Variants in EPSTI1 observed in about 807,000 individuals in gnomAD.
The protein encoded by EPSTI1 is epithelial stromal interaction 1.
A neutral mutation model predicts 49.9 loss-of-function variants in EPSTI1; 66 were observed. That is an observed-to-expected ratio of 1.32 (90% CI 1.08 to 1.62). The LOEUF (loss-of-function observed/expected upper bound fraction) is 1.62. Among genes scored for constraint, EPSTI1 ranks in the 40% most tolerant of loss-of-function variants. The pLI is 0.00. For missense variants in EPSTI1, 394 were observed against 365.5 expected (o/e 1.08, Z -0.64); for synonymous variants, 137 against 130.7 (o/e 1.05, Z -0.33).
chr13:42,982,258 C>T (rs1176642027), intron 1 of EPSTI1, among the ~76,000 whole-genome samples: 1 of 152,182 alleles, frequency 6.6e-6, no homozygotes, highest in African/African-American at 2.4e-5. Flanking sequence ...CAAAGCTACA[C>T]TCCCACCAGC....
At chr13:42,948,159 G>A (rs1472200690) in intron 6 of EPSTI1, among the ~76,000 whole-genome samples, 1 of 152,274 alleles carries the variant, frequency 6.6e-6, no homozygotes, top group Non-Finnish European at 1.5e-5. Flanking sequence ...GCCAGGCAGG[G>A]TTAGGCCGGG....
At position 42,892,267 on chromosome 13, in the gene EPSTI1, T is replaced by G. The variant is rs186892635; in HGVS notation, c.915+2742A>C. Among the ~76,000 whole-genome samples the G allele has an allele frequency of 6.2e-4, 95 of 152,322 alleles. 1 individual carries two copies. The highest frequency in any genetic ancestry group is 4.9e-3 in the Admixed American group (75 of 15,302). Reference sequence around the variant, plus strand: ...GGTGGCGAAAGCCATTGGAGGGGTATGCAGAGTCAGAATCTGACTTCTGTC... The same window carrying G: ...GGTGGCGAAAGCCATTGGAGGGGTAGGCAGAGTCAGAATCTGACTTCTGTC... On this transcript the variant is annotated intron_variant, in intron 10 of 10. Transcript: ENST00000313624.
intron 9 of EPSTI1, among the ~76,000 whole-genome samples, chr13:42,895,366 G>C (rs2037161141): frequency 6.6e-6 from 1 of 152,180 alleles, no homozygotes; most frequent in South Asian, 2.1e-4. Context: ...CTCATCTCCT[G>C]CCAGTTCAGC....
In EPSTI1 at chr13:42,942,658, CTTTTTTTTTTTTTTTTTTTTTTT is replaced by C. The variant is rs1161224574; in HGVS notation, c.563+11267_563+11289del. On this transcript the variant is annotated intron_variant, in intron 6 of 10. Transcript: ENST00000313624. ...TGATTTTAATTAGATCCTGTTGATT[CTTTTTTTTTTTTTTTTTTTTTTT>C]TTTTTTTTTTTTTTTTTTGAGACGG... 5.7e-4 allele frequency among the ~76,000 whole-genome samples: 37 copies of C among 64,652 alleles called. 1 individual carries two copies. The highest frequency in any genetic ancestry group is 4.2e-3 in the South Asian group (5 of 1,180). 42.4% of individuals were successfully genotyped at this position (64,652 alleles called of 152,430 possible).
chr13:42,975,823 A>AT (rs1368056943), intron 1 of EPSTI1, among the ~76,000 whole-genome samples: 1 of 151,946 alleles, frequency 6.6e-6, no homozygotes, highest in African/African-American at 2.4e-5. Context: ...ACACAAAAAA[A>AT]AGTTAGCAAG....
chr13:42,973,801 A>G (rs1355181835), intron 1 of EPSTI1, among the ~76,000 whole-genome samples: 2 of 152,188 alleles, frequency 1.3e-5, no homozygotes, highest in African/African-American at 4.8e-5. Context: ...AACAACCAAC[A>G]TTTCGCATTC....
At chr13:42,966,753 C>T (rs1284738257) in intron 3 of EPSTI1, among the ~76,000 whole-genome samples, 1 of 90,482 alleles carries the variant, frequency 1.1e-5, no homozygotes, top group East Asian at 5.5e-4. Context: ...CGCCTCCGCC[C>T]GGCCACCACC....
At chr13:42,918,720 G>C (rs1053519862) in intron 7 of EPSTI1, among the ~76,000 whole-genome samples, 16 of 152,174 alleles carry the variant, frequency 1.1e-4, no homozygotes, top group Non-Finnish European at 1.9e-4. Context: ...GAAATCCCTG[G>C]TTTATCCAAA....
intron 4 of EPSTI1, 138 bp downstream of exon 4, chr13:42,963,928 G>T: frequency 1.5e-6 from 1 of 653,766 alleles, no homozygotes; most frequent in Non-Finnish European, 2.5e-6. Context: ...TGAGAGCTTT[G>T]ATTCTGAAAG....
intron 7 of EPSTI1, among the ~76,000 whole-genome samples, chr13:42,925,721 C>G (rs552224363): frequency 1.3e-5 from 2 of 152,232 alleles, no homozygotes; most frequent in Non-Finnish European, 2.9e-5. Context: ...AATTCTTGCT[C>G]TATGTGTCTT....
chr13:42,898,753 T>C (rs905654820), intron 9 of EPSTI1, among the ~76,000 whole-genome samples: 2 of 152,226 alleles, frequency 1.3e-5, no homozygotes, highest in African/African-American at 2.4e-5. Flanking sequence ...ATTTCAGCAA[T>C]GGAGCCTATT....
intron 5 of EPSTI1, among the ~76,000 whole-genome samples, chr13:42,958,172 T>G (rs1594726726): frequency 6.6e-6 from 1 of 151,804 alleles, no homozygotes; most frequent in Admixed American, 6.6e-5. Flanking sequence ...AAATGAGGAA[T>G]CAGAGAAGGA....
chr13:42,981,771 G>T (rs76948770), intron 1 of EPSTI1, among the ~76,000 whole-genome samples: 5,809 of 152,216 alleles, frequency 0.038, 181 homozygotes, highest in Non-Finnish European at 0.05. Context: ...CAATTCAGTG[G>T]ATTTATTTTT....
At chr13:42,968,398 G>C (rs1023629150) in intron 3 of EPSTI1, among the ~76,000 whole-genome samples, 10 of 152,104 alleles carry the variant, frequency 6.6e-5, no homozygotes, top group African/African-American at 2.4e-4. Flanking sequence ...CACAAGACAT[G>C]CTTGTATTAA....
chr13:42,963,954 G>T, intron 4 of EPSTI1, 112 bp downstream of exon 4: 1 of 893,722 alleles, frequency 1.1e-6, no homozygotes, highest in Non-Finnish European at 1.6e-6. Context: ...TTTTGCAACT[G>T]GTTGGAAGGT....
intron 8 of EPSTI1, among the ~76,000 whole-genome samples, chr13:42,907,645 C>T (rs2037533677): frequency 6.6e-6 from 1 of 152,204 alleles, no homozygotes; most frequent in African/African-American, 2.4e-5. Context: ...CCAACAAATA[C>T]ACAAATTATT....
intron 6 of EPSTI1, among the ~76,000 whole-genome samples, chr13:42,936,752 A>ACAACTG (rs1283859482): frequency 6.6e-6 from 1 of 152,228 alleles, no homozygotes; most frequent in African/African-American, 2.4e-5. Context: ...ATTCGTGTGT[A>ACAACTG]CAACTGCCCA....
chr13:42,910,735 CAG>C (rs1408794502), intron 8 of EPSTI1, among the ~76,000 whole-genome samples: 2 of 152,062 alleles, frequency 1.3e-5, no homozygotes, highest in African/African-American at 4.8e-5. Flanking sequence ...TCAGTAAAAA[CAG>C]GGAATTTTTT....
At chr13:42,901,820 G>C (rs2037361796) in intron 8 of EPSTI1, among the ~76,000 whole-genome samples, 1 of 151,844 alleles carries the variant, frequency 6.6e-6, no homozygotes, top group African/African-American at 2.4e-5. Context: ...CAATGTGCAG[G>C]TTAGTTACAT....
Sources: gnomAD v4.1 joint callset for allele counts (sites outside exome capture counted in the v4.1 genomes callset) on GRCh38, gnomAD v4.1.1 for gene constraint, MANE v1.5 for transcripts, NCBI Gene and HGNC (gene_info 2026-07-23, HGNC 2026-07-21) for gene names.